The following INPP4B variants were observed in gnomAD, a reference collection of about 807,000 sequenced individuals.
INPP4B encodes inositol polyphosphate 4-phosphatase type II.
Under a neutral mutation model 122.5 loss-of-function variants are expected in INPP4B, and 55 were observed. That is an observed-to-expected ratio of 0.45 (90% CI 0.36 to 0.56). The LOEUF is 0.56. Among genes scored for constraint, INPP4B ranks in the 20% least tolerant of loss-of-function variants. The pLI is 0.00. For synonymous variants in INPP4B, 403 were observed against 388.7 expected (o/e 1.04, Z -0.43); for missense variants, 1,000 against 1,097.7 (o/e 0.91, Z 1.26).
Position 142,449,097 on chromosome 4 carries a change from A to T in INPP4B, c.-127+13566T>A, listed in dbSNP as rs1407420888. ...GCTAGCAATATTAAATTCAGTGAGG[A>T]CCTGCTTTGTCACAATAAAAATAAA... is the stretch of plus-strand genomic sequence containing the variant. On this transcript the variant is annotated intron_variant, in intron 3 of 25. Transcript: ENST00000262992. Among the ~76,000 whole-genome samples, 8 of 152,246 alleles carry T rather than the reference A, an allele frequency of 5.3e-5. No homozygotes were observed. In the East Asian group the frequency reaches 1.5e-3, roughly 29 times the overall value.
chr4:142,086,793 T>C (rs1296536901), intron 23 of INPP4B, among the ~76,000 whole-genome samples: 2 of 152,180 alleles, frequency 1.3e-5, no homozygotes, highest in African/African-American at 4.8e-5. Context: ...ATAACTATGG[T>C]AATATCAAGT....
chr4:142,316,522 C>T lies in INPP4B; in HGVS notation c.373-1760G>A, dbSNP rs1358476239. Reference sequence around the variant, plus strand: ...CATATATACATATTAGTATAAAGTGCTATACATATAATGAATACTCACAAC... The same window carrying T: ...CATATATACATATTAGTATAAAGTGTTATACATATAATGAATACTCACAAC... On this transcript the variant is annotated intron_variant, in intron 7 of 25. Transcript: ENST00000262992. Among the ~76,000 whole-genome samples, 3 of 142,138 alleles carry T rather than the reference C, an allele frequency of 2.1e-5. No individual in the cohort carries two copies. The East Asian group carries it at 7.5e-4, about 36-fold the overall frequency. The allele number at this position is 142,138 out of a possible 152,430, so 93.2% of individuals were successfully genotyped here.
intron 15 of INPP4B, among the ~76,000 whole-genome samples, chr4:142,184,207 G>GA (rs1832126272): frequency 6.6e-6 from 1 of 152,110 alleles, no homozygotes; most frequent in South Asian, 2.1e-4. Context: ...CAGGTTGTTG[G>GA]AAGAATGTCA....
At chr4:142,754,775 G>T (rs1770260154) in intron 1 of INPP4B, among the ~76,000 whole-genome samples, 1 of 151,882 alleles carries the variant, frequency 6.6e-6, no homozygotes, top group Non-Finnish European at 1.5e-5. Flanking sequence ...ATGAGGTATT[G>T]AGAATAGGCG....
chr4:142,188,855 G>A (rs1834444745), intron 15 of INPP4B, among the ~76,000 whole-genome samples: 1 of 152,116 alleles, frequency 6.6e-6, no homozygotes, highest in Non-Finnish European at 1.5e-5. Flanking sequence ...TACTGGAGAA[G>A]GCATAGAAAT....
intron 9 of INPP4B, among the ~76,000 whole-genome samples, chr4:142,276,292 G>C (rs1561714111): frequency 6.6e-6 from 1 of 151,582 alleles, no homozygotes; most frequent in East Asian, 1.9e-4. Flanking sequence ...CCTATTAAAA[G>C]TCCTTAGACA....
chr4:142,790,449 C>T (rs144026921), intron 1 of INPP4B, among the ~76,000 whole-genome samples: 149 of 152,006 alleles, frequency 9.8e-4, no homozygotes, highest in Non-Finnish European at 2.1e-4. Flanking sequence ...AAATGGCCAA[C>T]AAACATATGA....
At chr4:142,367,482 T>C (rs1214356849) in intron 7 of INPP4B, among the ~76,000 whole-genome samples, 1 of 152,094 alleles carries the variant, frequency 6.6e-6, no homozygotes, top group African/African-American at 2.4e-5. Flanking sequence ...TCTTTATTAA[T>C]ATGTTTTACT....
chr4:142,617,862 T>G (rs1030086259), intron 2 of INPP4B, among the ~76,000 whole-genome samples: 3 of 152,146 alleles, frequency 2.0e-5, no homozygotes, highest in Non-Finnish European at 4.4e-5. Flanking sequence ...GCAATAGAGA[T>G]AACAGCATAA....
chr4:142,311,713 A>G (rs1375926903), intron 8 of INPP4B, among the ~76,000 whole-genome samples: 2 of 152,092 alleles, frequency 1.3e-5, no homozygotes, highest in Non-Finnish European at 2.9e-5. Context: ...ATTCTCTTCT[A>G]GCTAAGGACT....
At chr4:142,041,047 TAGCTCCCAAA>T (rs1747149607) in intron 25 of INPP4B, among the ~76,000 whole-genome samples, 1 of 152,164 alleles carries the variant, frequency 6.6e-6, no homozygotes, top group Admixed American at 6.6e-5. Flanking sequence ...GGGCTGCTCT[TAGCTCCCAAA>T]TAAAAATAAA....
At position 142,818,787 on chromosome 4, in the gene INPP4B, C is replaced by T. The variant is rs139613116; in HGVS notation, c.-254+27422G>A. ...ATTGTTCTCACATCAGAGAGCCCCT[C>T]GCCCTTATTAGTTTATATAAAATAG... On this transcript the variant is annotated intron_variant, in intron 1 of 25. Transcript: ENST00000262992. 9.9e-5 allele frequency among the ~76,000 whole-genome samples: 15 copies of T among 152,194 alleles called. No homozygotes were observed. In the East Asian group the frequency reaches 2.7e-3, roughly 27 times the overall value.
intron 23 of INPP4B, among the ~76,000 whole-genome samples, chr4:142,099,289 C>T (rs1783443038): frequency 1.3e-5 from 2 of 152,146 alleles, no homozygotes; most frequent in African/African-American, 4.8e-5. Flanking sequence ...TATTGCCAAT[C>T]CCTTTTACAC....
chr4:142,340,724 C>T (rs563599776), intron 7 of INPP4B, among the ~76,000 whole-genome samples: 2 of 152,106 alleles, frequency 1.3e-5, no homozygotes, highest in East Asian at 1.9e-4. Flanking sequence ...GGGTCCTTCT[C>T]GTTAGCCTGC....
intron 1 of INPP4B, among the ~76,000 whole-genome samples, chr4:142,771,354 A>G (rs1329793222): frequency 1.3e-5 from 2 of 152,140 alleles, no homozygotes; most frequent in Non-Finnish European, 2.9e-5. Flanking sequence ...TAAAACGGGA[A>G]TGTTATGATC....
chr4:142,793,836 T>C (rs1402533225), intron 1 of INPP4B, among the ~76,000 whole-genome samples: 3 of 152,054 alleles, frequency 2.0e-5, no homozygotes, highest in Non-Finnish European at 2.9e-5. Context: ...ACAAAGTAGT[T>C]AAGATTACAC....
intron 12 of INPP4B, among the ~76,000 whole-genome samples, chr4:142,216,852 T>C (rs575585190): frequency 5.8e-4 from 88 of 152,304 alleles, no homozygotes; most frequent in African/African-American, 2.0e-3. Flanking sequence ...GAGTGAATCA[T>C]AGAAGAACTG....
At chr4:142,581,970 AC>A (rs1259136744) in intron 2 of INPP4B, among the ~76,000 whole-genome samples, 1 of 152,000 alleles carries the variant, frequency 6.6e-6, no homozygotes, top group East Asian at 1.9e-4. Flanking sequence ...GTGGAAAAAA[AC>A]CTACTTAAAA....
At chr4:142,445,391 C>G (rs891992425) in intron 3 of INPP4B, among the ~76,000 whole-genome samples, 15 of 152,156 alleles carry the variant, frequency 9.9e-5, no homozygotes, top group Admixed American at 6.5e-4. Context: ...ACAACAAATA[C>G]AAGAACAAAA....
Sources: allele counts gnomAD v4.1 joint callset (sites outside exome capture counted in the v4.1 genomes callset), GRCh38; gene constraint gnomAD v4.1.1; transcripts MANE v1.5; gene names NCBI Gene and HGNC (gene_info 2026-07-23, HGNC 2026-07-21).